Variants in SGCZ observed in about 807,000 individuals in gnomAD.
SGCZ encodes zeta-sarcoglycan.
In SGCZ, 40 loss-of-function variants were observed where a neutral mutation model predicts 41.3. That is an observed-to-expected ratio of 0.97 (90% CI 0.75 to 1.26). SGCZ has a LOEUF of 1.26. Ranked by LOEUF, SGCZ falls within the 50% of genes most tolerant of loss-of-function variation. The pLI is 0.00. For missense variants in SGCZ, 552 were observed against 369.8 expected, an observed-to-expected ratio of 1.49 and a Z score of -4.04; for synonymous variants, 206 against 137.5, an observed-to-expected ratio of 1.50 and a Z score of -3.49.
At position 15,087,926 on chromosome 8, in the gene SGCZ, T is replaced by C. The variant is rs1312837624; in HGVS notation, c.39+149659A>G. ...ATGTAAATTAACGTGAGGCTTTATT[T>C]TTCTGTATAAACATGCATGTAAAAT... On this transcript the variant is annotated intron_variant, in intron 1 of 7. Coordinates refer to ENST00000382080, the MANE Select transcript of SGCZ (RefSeq NM_139167.4). 5.3e-5 allele frequency among the ~76,000 whole-genome samples: 8 copies of C among 152,072 alleles called. No individual in the cohort carries two copies. The East Asian group carries it at 1.5e-3, about 29-fold the overall frequency.
At chr8:14,674,159 GTTA>G (rs1808198518) in intron 1 of SGCZ, among the ~76,000 whole-genome samples, 1 of 151,278 alleles carries the variant, frequency 6.6e-6, no homozygotes, top group East Asian at 1.9e-4. Flanking sequence ...CTGTTTTCAT[GTTA>G]GCTTAGCTAA....
At position 15,158,776 on chromosome 8, in the gene SGCZ, G is replaced by A. The variant is rs190253862; in HGVS notation, c.39+78809C>T. On this transcript the variant is annotated intron_variant, in intron 1 of 7. Transcript: ENST00000382080. Reference sequence around the variant, plus strand: ...ACAATTTTGGAGATGGAAGATGAGGGTCACAGGGATGAGGAGACCCAGAGT... The same window carrying A: ...ACAATTTTGGAGATGGAAGATGAGGATCACAGGGATGAGGAGACCCAGAGT... 1.8e-3 allele frequency among the ~76,000 whole-genome samples: 279 copies of A among 152,292 alleles called. 1 individual carries two copies. Among genetic ancestry groups the A allele is most frequent in the Non-Finnish European group, 3.3e-3 (222 of 68,018 alleles).
intron 1 of SGCZ, among the ~76,000 whole-genome samples, chr8:14,846,035 C>T (rs1186202885): frequency 6.6e-6 from 1 of 152,060 alleles, no homozygotes. Context: ...GTTTCAAATA[C>T]ATGAAGCAAA....
intron 1 of SGCZ, among the ~76,000 whole-genome samples, chr8:15,154,107 C>A (rs2117024376): frequency 6.6e-6 from 1 of 152,184 alleles, no homozygotes; most frequent in Admixed American, 6.5e-5. Flanking sequence ...TTACCCCCTG[C>A]ATGTGGCCCG....
At chr8:14,092,871 A>AAT (rs3067632) in intron 7 of SGCZ, among the ~76,000 whole-genome samples, 1 of 152,028 alleles carries the variant, frequency 6.6e-6, no homozygotes. Flanking sequence ...CACAGTGAAC[A>AAT]ATATATAATT....
intron 1 of SGCZ, among the ~76,000 whole-genome samples, chr8:14,880,292 G>C (rs920484816): frequency 6.6e-6 from 1 of 152,142 alleles, no homozygotes; most frequent in African/African-American, 2.4e-5. Context: ...TCATTAAAAA[G>C]TCAAGAAACA....
intron 1 of SGCZ, among the ~76,000 whole-genome samples, chr8:14,623,372 T>C (rs1806347657): frequency 6.6e-6 from 1 of 152,160 alleles, no homozygotes; most frequent in African/African-American, 2.4e-5. Context: ...GAACATCTCT[T>C]TGCGTGAAGC....
intron 1 of SGCZ, among the ~76,000 whole-genome samples, chr8:14,820,907 A>G (rs150342512): frequency 6.7e-6 from 1 of 149,430 alleles, no homozygotes; most frequent in Non-Finnish European, 1.5e-5. Flanking sequence ...AAACATAAAA[A>G]CACCCTAAAG....
intron 2 of SGCZ, among the ~76,000 whole-genome samples, chr8:14,509,121 G>A (rs1802393024): frequency 6.6e-6 from 1 of 151,982 alleles, no homozygotes; most frequent in Non-Finnish European, 1.5e-5. Context: ...CAAAAACTAG[G>A]AAATTAGTAC....
intron 1 of SGCZ, among the ~76,000 whole-genome samples, chr8:14,831,679 T>C (rs576357807): frequency 6.6e-6 from 1 of 152,120 alleles, no homozygotes; most frequent in South Asian, 2.1e-4. Flanking sequence ...TGTCTCAGTA[T>C]ACAATTATAC....
At chr8:14,159,476 T>G (rs1312856800) in intron 5 of SGCZ, among the ~76,000 whole-genome samples, 1 of 152,168 alleles carries the variant, frequency 6.6e-6, no homozygotes, top group Non-Finnish European at 1.5e-5. Context: ...CTTCAAAACC[T>G]GAAATCAGGA....
chr8:14,717,564 T>C (rs1347113736), intron 1 of SGCZ, among the ~76,000 whole-genome samples: 1 of 152,090 alleles, frequency 6.6e-6, no homozygotes, highest in African/African-American at 2.4e-5. Context: ...AAAGTCGTCT[T>C]GGGGACAGCT....
Position 14,737,383 on chromosome 8 carries a change from G to T in SGCZ, c.40-182457C>A, listed in dbSNP as rs147955516. ...AAGCAAGCTAATGTGACCCATTTTT[G>T]ATTGAAATCTAGTTAAGTTGTACCT... On this transcript the variant is annotated intron_variant, in intron 1 of 7. Coordinates refer to ENST00000382080, the MANE Select transcript of SGCZ (RefSeq NM_139167.4). Among the ~76,000 whole-genome samples the T allele has an allele frequency of 7.2e-3, 1,098 of 151,960 alleles. 12 individuals carry two copies. The highest frequency in any genetic ancestry group is 0.027 in the Middle Eastern group (8 of 294).
chr8:14,616,284 A>C (rs919889820), intron 1 of SGCZ, among the ~76,000 whole-genome samples: 1 of 65,162 alleles, frequency 1.5e-5, no homozygotes, highest in Admixed American at 1.5e-4. Flanking sequence ...CTCTGTCTCA[A>C]AAAAAAAAAA....
intron 3 of SGCZ, among the ~76,000 whole-genome samples, chr8:14,264,247 A>T (rs559869883): frequency 6.6e-6 from 1 of 152,332 alleles, no homozygotes; most frequent in South Asian, 2.1e-4. Flanking sequence ...TTTAGGCAGC[A>T]CAGCATGCAC....
intron 1 of SGCZ, among the ~76,000 whole-genome samples, chr8:14,875,420 C>A (rs1043583551): frequency 6.6e-6 from 1 of 152,126 alleles, no homozygotes; most frequent in East Asian, 1.9e-4. Context: ...ACATTCAAAC[C>A]ATAGCAGAAG....
At chr8:14,537,878 G>C (rs1046004536) in intron 2 of SGCZ, among the ~76,000 whole-genome samples, 1 of 151,866 alleles carries the variant, frequency 6.6e-6, no homozygotes, top group African/African-American at 2.4e-5. Context: ...GGTGCATGGA[G>C]AAATGAATCG....
At chr8:15,144,544 A>G (rs1585609456) in intron 1 of SGCZ, among the ~76,000 whole-genome samples, 1 of 151,986 alleles carries the variant, frequency 6.6e-6, no homozygotes, top group East Asian at 1.9e-4. Flanking sequence ...GGCTCACTGC[A>G]ACCACCTCCC....
chr8:14,996,551 G>A (rs930006954), intron 1 of SGCZ, among the ~76,000 whole-genome samples: 3 of 152,166 alleles, frequency 2.0e-5, no homozygotes, highest in African/African-American at 4.8e-5. Flanking sequence ...ACAGGTGCAT[G>A]CCACCATGCC....
Sources: allele counts gnomAD v4.1 joint callset (sites outside exome capture counted in the v4.1 genomes callset), GRCh38; gene constraint gnomAD v4.1.1; transcripts MANE v1.5; gene names NCBI Gene and HGNC (gene_info 2026-07-23, HGNC 2026-07-21).